The following SYN3 variants were observed in gnomAD, a reference collection of about 807,000 sequenced individuals.
SYN3 encodes synapsin-3.
In SYN3, 35 loss-of-function variants were observed where a neutral mutation model predicts 65.8. The observed-to-expected ratio is 0.53, with a 90% CI of 0.41 to 0.70. The LOEUF is 0.70. Ranked by LOEUF, SYN3 falls within the 30% of genes least tolerant of loss-of-function variation. SYN3 has a pLI of 0.00. For synonymous variants in SYN3, 270 were observed against 292.9 expected (o/e 0.92, Z 0.80); for missense variants, 680 against 749.0 (o/e 0.91, Z 1.08).
At chr22:32,753,307 G>C (rs990986467) in intron 6 of SYN3, among the ~76,000 whole-genome samples, 1 of 152,148 alleles carries the variant, frequency 6.6e-6, no homozygotes, top group South Asian at 2.1e-4. Flanking sequence ...CCTAGTCCCA[G>C]GGAACAACCC....
chr22:32,926,691 A>G (rs373516915), intron 4 of SYN3, among the ~76,000 whole-genome samples: 122 of 152,314 alleles, frequency 8.0e-4, no homozygotes, highest in African/African-American at 2.6e-3. Context: ...AGATTTTTTA[A>G]AAGTTACACT....
intron 6 of SYN3, among the ~76,000 whole-genome samples, chr22:32,609,880 C>T (rs907353955): frequency 7.9e-5 from 12 of 151,980 alleles, no homozygotes; most frequent in African/African-American, 1.9e-4. Context: ...AGATGGTGCC[C>T]GAATTTTTAA....
At chr22:32,615,868 G>C (rs1238731690) in intron 6 of SYN3, among the ~76,000 whole-genome samples, 1 of 152,228 alleles carries the variant, frequency 6.6e-6, no homozygotes, top group Non-Finnish European at 1.5e-5. Context: ...ATCCAGGTAC[G>C]ACAGGGACAG....
chr22:32,569,571 C>CTCTCTCTCTCTA (rs1205661126), intron 7 of SYN3, among the ~76,000 whole-genome samples: 1 of 90,930 alleles, frequency 1.1e-5, no homozygotes, highest in African/African-American at 3.7e-5. Flanking sequence ...CTCTCTCTCT[C>CTCTCTCTCTCTA]TATATATATA....
intron 9 of SYN3, among the ~76,000 whole-genome samples, chr22:32,535,695 T>C (rs2058151616): frequency 6.6e-6 from 1 of 151,618 alleles, no homozygotes; most frequent in African/African-American, 2.4e-5. Flanking sequence ...TGGGGTCCCC[T>C]GCTGGCTACG....
chr22:32,516,565 T>C (rs1453353260), intron 13 of SYN3, among the ~76,000 whole-genome samples: 1 of 152,068 alleles, frequency 6.6e-6, no homozygotes, highest in Non-Finnish European at 1.5e-5. Context: ...GGTTTCACCA[T>C]GTTGGCCAGG....
chr22:32,633,493 G>T (rs1036031466), intron 6 of SYN3, among the ~76,000 whole-genome samples: 6 of 152,170 alleles, frequency 3.9e-5, no homozygotes, highest in African/African-American at 1.4e-4. Flanking sequence ...AAACAAGGTT[G>T]GTCCTACGTG....
At chr22:32,535,773 T>C (rs1601587636) in intron 9 of SYN3, among the ~76,000 whole-genome samples, 2 of 130,226 alleles carry the variant, frequency 1.5e-5, no homozygotes, top group Non-Finnish European at 3.2e-5. Flanking sequence ...TGAGAGTGCT[T>C]GGAGAATCGG....
intron 4 of SYN3, among the ~76,000 whole-genome samples, chr22:32,924,535 A>G (rs537847756): frequency 3.3e-5 from 5 of 152,310 alleles, no homozygotes; most frequent in Middle Eastern, 3.4e-3. Flanking sequence ...TTGCTGCTCA[A>G]ACTGAACCTG....
chr22:33,023,546 C>T (rs564333739), intron 1 of SYN3, among the ~76,000 whole-genome samples: 2 of 152,256 alleles, frequency 1.3e-5, no homozygotes, highest in Admixed American at 6.5e-5. Flanking sequence ...AATACACAGT[C>T]TCCACAAAAA....
At chr22:33,051,031 C>T (rs2145974125) in intron 1 of SYN3, among the ~76,000 whole-genome samples, 1 of 152,214 alleles carries the variant, frequency 6.6e-6, no homozygotes, top group Middle Eastern at 3.4e-3. Context: ...AATCTGAAGC[C>T]CAGGTGGCCA....
intron 7 of SYN3, among the ~76,000 whole-genome samples, chr22:32,586,943 G>T (rs771961222): frequency 3.9e-5 from 6 of 152,140 alleles, no homozygotes; most frequent in Non-Finnish European, 8.8e-5. Flanking sequence ...CAGAGAATAC[G>T]CCGGGAGCGG....
chr22:32,608,159 C>T (rs774803920), intron 6 of SYN3, among the ~76,000 whole-genome samples: 11 of 151,604 alleles, frequency 7.3e-5, no homozygotes, highest in Non-Finnish European at 1.3e-4. Context: ...CCTCCGCCTC[C>T]TGGGTTCAAG....
At chr22:32,666,421 C>T (rs1316094020) in intron 6 of SYN3, among the ~76,000 whole-genome samples, 3 of 152,152 alleles carry the variant, frequency 2.0e-5, no homozygotes, top group Non-Finnish European at 4.4e-5. Flanking sequence ...TCCCCTTTGT[C>T]CCCTCTCTCA....
In SYN3 at chr22:32,802,121, C is replaced by G; in HGVS notation, c.711+62794G>C. On this transcript the variant is annotated intron_variant, in intron 6 of 13. Transcript: ENST00000358763. Reference sequence around the variant, plus strand: ...AGGACGCCTTCTGCAACTCCGACATCGGTAAGCGCTCCTGGTGCCCCGCCC... The same window carrying G: ...AGGACGCCTTCTGCAACTCCGACATGGGTAAGCGCTCCTGGTGCCCCGCCC... 3.2e-6 allele frequency: 5 copies of G among 1,581,970 alleles called. No individual in the cohort carries two copies. Among genetic ancestry groups the G allele is most frequent in the Non-Finnish European group, 2.6e-6 (3 of 1,169,898 alleles).
intron 6 of SYN3, among the ~76,000 whole-genome samples, chr22:32,843,023 C>A (rs541079650): frequency 5.3e-5 from 8 of 152,260 alleles, no homozygotes; most frequent in South Asian, 2.1e-4. Context: ...TATTTTGCAA[C>A]CAGTGTGAAA....
At chr22:32,709,499 C>G (rs1428646462) in intron 6 of SYN3, among the ~76,000 whole-genome samples, 7 of 152,150 alleles carry the variant, frequency 4.6e-5, no homozygotes, top group Non-Finnish European at 1.0e-4. Flanking sequence ...AAAATAGAAA[C>G]TTTTTTGAGT....
chr22:32,559,101 C>T (rs749531407), intron 7 of SYN3, among the ~76,000 whole-genome samples: 6 of 152,200 alleles, frequency 3.9e-5, no homozygotes, highest in Non-Finnish European at 8.8e-5. Flanking sequence ...GAGGTAAGTA[C>T]TACTATTCCC....
At chr22:32,820,884 G>A (rs774991273) in intron 6 of SYN3, among the ~76,000 whole-genome samples, 3 of 152,222 alleles carry the variant, frequency 2.0e-5, no homozygotes, top group Non-Finnish European at 4.4e-5. Context: ...GAGTTTGCCA[G>A]ATATTGCTAA....
Sources: gnomAD v4.1 joint callset for allele counts (sites outside exome capture counted in the v4.1 genomes callset) on GRCh38, gnomAD v4.1.1 for gene constraint, MANE v1.5 for transcripts, NCBI Gene and HGNC (gene_info 2026-07-23, HGNC 2026-07-21) for gene names.